The following MARCHF10 variants were observed in gnomAD, a reference collection of about 807,000 sequenced individuals.
The protein encoded by MARCHF10 is probable E3 ubiquitin-protein ligase MARCHF10.
Under a neutral mutation model 76.2 loss-of-function variants are expected in MARCHF10, and 64 were observed. The ratio of observed to expected loss-of-function variants is 0.84; its 90% CI spans 0.69 to 1.03. The LOEUF (loss-of-function observed/expected upper bound fraction) is 1.03. Ranked by LOEUF, MARCHF10 falls within the 50% of genes least tolerant of loss-of-function variation. MARCHF10 has a pLI of 0.00. For synonymous variants in MARCHF10, 340 were observed against 357.5 expected (o/e 0.95, Z 0.55); for missense variants, 875 against 958.0 (o/e 0.91, Z 1.14).
chr17:62,780,068 G>C (rs1025580054), intron 3 of MARCHF10, among the ~76,000 whole-genome samples: 1 of 151,802 alleles, frequency 6.6e-6, no homozygotes, highest in African/African-American at 2.4e-5. Context: ...TTGCACTCCA[G>C]CCTGGGTGAC....
At chr17:62,722,785 G>T (rs1443370395) in intron 7 of MARCHF10, among the ~76,000 whole-genome samples, 188 bp from the exon 8 acceptor site, 1 of 152,006 alleles carries the variant, frequency 6.6e-6, no homozygotes, top group South Asian at 2.1e-4. Flanking sequence ...AATTTCCTTT[G>T]TAGTCATCTA....
At chr17:62,769,890 T>G (rs1322076633) in intron 3 of MARCHF10, among the ~76,000 whole-genome samples, 1 of 152,214 alleles carries the variant, frequency 6.6e-6, no homozygotes, top group Non-Finnish European at 1.5e-5. Context: ...TCATTCAAGT[T>G]GGCTTTTAAA....
chr17:62,788,045 C>T (rs1045535504), intron 3 of MARCHF10, among the ~76,000 whole-genome samples: 1 of 152,166 alleles, frequency 6.6e-6, no homozygotes, highest in Non-Finnish European at 1.5e-5. Flanking sequence ...GTTATTACCA[C>T]ATTTTACTCT....
intron 1 of MARCHF10, among the ~76,000 whole-genome samples, chr17:62,807,239 A>G (rs1194250473): frequency 1.3e-5 from 2 of 152,208 alleles, no homozygotes; most frequent in African/African-American, 4.8e-5. Context: ...TGTCTTGAGT[A>G]TAAGCAACAA....
rs9890209 is a variant in MARCHF10 at position 62,733,110 on chromosome 17, T to C, written c.1937+2821A>G. Among the ~76,000 whole-genome samples the C allele has an allele frequency of 5.5e-3, 832 of 150,672 alleles. 8 individuals carry two copies. Among genetic ancestry groups the C allele is most frequent in the Middle Eastern group, 0.025 (7 of 284 alleles). On this transcript the variant is annotated intron_variant, in intron 6 of 10. Transcript: ENST00000311269. ...AAAGATTAAATTAATAGGCCAGAGA[T>C]ATAAAGGTATTTTAAAATAAAATAC... is the stretch of plus-strand genomic sequence containing the variant.
At chr17:62,806,469 T>C (rs930297950) in intron 1 of MARCHF10, 1 of 152,266 alleles carries the variant, frequency 6.6e-6, no homozygotes, top group African/African-American at 2.4e-5. Context: ...CTCATGGTTA[T>C]GCACACTTCT....
intron 4 of MARCHF10, among the ~76,000 whole-genome samples, chr17:62,759,203 G>A (rs1180606893): frequency 6.6e-6 from 1 of 152,288 alleles, no homozygotes; most frequent in East Asian, 1.9e-4. Flanking sequence ...TCTTGCTTGA[G>A]CCATAAAACT....
intron 3 of MARCHF10, among the ~76,000 whole-genome samples, chr17:62,768,413 G>T (rs2092380868): frequency 6.6e-6 from 1 of 152,302 alleles, no homozygotes; most frequent in Non-Finnish European, 1.5e-5. Flanking sequence ...CCAGCTACTT[G>T]GGAGGCTGAG....
intron 6 of MARCHF10, chr17:62,735,555 T>G (rs1007149686): frequency 1.0e-5 from 2 of 195,516 alleles, no homozygotes; most frequent in African/African-American, 4.7e-5. Flanking sequence ...GAACTTCAAG[T>G]GTGGACTGGT....
rs2148213819 is a variant in MARCHF10 at position 62,801,725 on chromosome 17, T to A, written c.11A>T (p.Asp4Val). Residue 4 changes from aspartate to valine, a missense_variant, in exon 2 of 11, where the codon GAC becomes GTC. Physicochemically the swap from Asp to Val is radical, Grantham distance 152. Transcript: ENST00000311269. ...GAAGAACTTCTGCCTGTCCCTTGCG[T>A]CATGCAACATGATTCCTAATCCCTG... MLH[D>V]ARDRQKFFSD... is the part of the protein sequence containing the mutation. The A allele has an allele frequency of 6.2e-7, 1 of 1,614,106 alleles. No homozygotes were observed. The highest frequency in any genetic ancestry group is 1.3e-5 in the African/African-American group (1 of 75,060).
chr17:62,703,627 G>T (rs1486378426), intron 10 of MARCHF10, among the ~76,000 whole-genome samples: 3 of 152,246 alleles, frequency 2.0e-5, no homozygotes, highest in African/African-American at 7.2e-5. Flanking sequence ...TCTCCACCTT[G>T]GGGCCGAGAG....
chr17:62,784,870 A>G (rs2092720319), intron 3 of MARCHF10, among the ~76,000 whole-genome samples: 2 of 152,194 alleles, frequency 1.3e-5, no homozygotes, highest in Non-Finnish European at 2.9e-5. Context: ...CAACGAAATA[A>G]AAGAGGACAA....
intron 3 of MARCHF10, among the ~76,000 whole-genome samples, chr17:62,772,876 TACCCTTTAC>T (rs1258406264): frequency 1.3e-5 from 2 of 152,182 alleles, no homozygotes; most frequent in Non-Finnish European, 2.9e-5. Flanking sequence ...TGTCTCAAAA[TACCCTTTAC>T]ACCCATCGCT....
At chr17:62,771,043 G>A (rs1462275891) in intron 3 of MARCHF10, among the ~76,000 whole-genome samples, 1 of 151,838 alleles carries the variant, frequency 6.6e-6, no homozygotes, top group Non-Finnish European at 1.5e-5. Flanking sequence ...TTTTAGTAGA[G>A]GCGAGGTTTC....
At chr17:62,702,252 G>A (rs1032761186) in intron 10 of MARCHF10, among the ~76,000 whole-genome samples, 1 of 152,146 alleles carries the variant, frequency 6.6e-6, no homozygotes, top group Admixed American at 6.5e-5. Flanking sequence ...CAGTGGAGGA[G>A]GTGGAGTTGG....
At chr17:62,755,197 A>T (rs757314902) in intron 4 of MARCHF10, among the ~76,000 whole-genome samples, 2 of 152,220 alleles carry the variant, frequency 1.3e-5, no homozygotes, top group Non-Finnish European at 2.9e-5. Context: ...AAGCAGGTTC[A>T]CAGGACTCCA....
rs759521843 is a variant in MARCHF10 at position 62,736,231 on chromosome 17, T to C, written c.1637A>G (p.Asp546Gly). The change falls in exon 6 of 11, where the codon GAT becomes GGT. Residue 546 changes from aspartate (D) to glycine (G), a missense_variant. Transcript: ENST00000311269. ...CTGAGGCTGGCTTGTTAAAGTAGTA[T>C]CTTCTGCTTCCCTGACAGCAAATTC... ...AHEFAVREAEDTTLTSQPQGA... is the reference protein window; with the variant it reads ...AHEFAVREAEGTTLTSQPQGA... 6.2e-7 allele frequency: 1 copy of C among 1,614,202 alleles called. No homozygotes were observed. Among genetic ancestry groups the C allele is most frequent in the Non-Finnish European group, 8.5e-7 (1 of 1,180,028 alleles).
rs181522261 is a variant in MARCHF10, at chr17:62,725,126, C to T, written c.1938-22G>A. 1.4e-5 allele frequency: 22 copies of T among 1,563,222 alleles called. No individual in the cohort carries two copies. The African/African-American group carries it at 1.9e-4, about 14-fold the overall frequency. ...GAGACTAAATGTGAAAACAAGCCCT[C>T]GTGACCAGGAGGCTACACGTTTGCA... On this transcript the variant is annotated intron_variant, in intron 6 of 10. Transcript: ENST00000311269.
intron 3 of MARCHF10, among the ~76,000 whole-genome samples, chr17:62,788,005 T>C (rs781165618): frequency 1.2e-4 from 19 of 152,292 alleles, no homozygotes; most frequent in Non-Finnish European, 2.6e-4. Flanking sequence ...GCAAAAATAT[T>C]TAAACAATTG....
Sources: gnomAD v4.1 joint callset for allele counts (sites outside exome capture counted in the v4.1 genomes callset) on GRCh38, gnomAD v4.1.1 for gene constraint, MANE v1.5 for transcripts, NCBI Gene and HGNC (gene_info 2026-07-23, HGNC 2026-07-21) for gene names.